DDIAS: variants seen among roughly 807,000 people sequenced by gnomAD.
DDIAS encodes the protein DNA damage-induced apoptosis suppressor protein.
Under a neutral mutation model 15.7 loss-of-function variants are expected in DDIAS, and 14 were observed. The ratio of observed to expected loss-of-function variants is 0.89; its 90% confidence interval spans 0.59 to 1.39. The LOEUF is 1.39. Ranked by LOEUF, DDIAS falls within the 40% of genes most tolerant of loss-of-function variation. The pLI is 0.00. For synonymous variants in DDIAS, 355 were observed against 395.9 expected (o/e 0.90, Z 1.23); for missense variants, 1,035 against 1,130.9 (o/e 0.92, Z 1.22).
intron 1 of DDIAS, among the ~76,000 whole-genome samples, chr11:82,908,722 A>G (rs140255293): frequency 2.1e-4 from 32 of 152,334 alleles, no homozygotes; most frequent in African/African-American, 7.7e-4. Flanking sequence ...AATTTCCCAC[A>G]TGTGCCAGTT....
chr11:82,904,499 G>C (rs1472313707), intron 1 of DDIAS, among the ~76,000 whole-genome samples: 1 of 152,206 alleles, frequency 6.6e-6, no homozygotes, highest in African/African-American at 2.4e-5. Context: ...CTAAGATGCT[G>C]TCAGGCCTTG....
intron 3 of DDIAS, among the ~76,000 whole-genome samples, chr11:82,923,159 G>A (rs1392069127): frequency 2.0e-5 from 3 of 152,190 alleles, no homozygotes; most frequent in Non-Finnish European, 4.4e-5. Flanking sequence ...TTCCTGGTTT[G>A]TTCTTGCAGT....
At chr11:82,918,022 T>C (rs1860665251) in intron 3 of DDIAS, among the ~76,000 whole-genome samples, 1 of 152,220 alleles carries the variant, frequency 6.6e-6, no homozygotes, top group Non-Finnish European at 1.5e-5. Context: ...TCGTTGTAGA[T>C]TCTGGATGTT....
chr11:82,925,408 G>A (rs1201244792), intron 3 of DDIAS, among the ~76,000 whole-genome samples: 3 of 152,024 alleles, frequency 2.0e-5, no homozygotes, highest in East Asian at 3.9e-4. Flanking sequence ...CCTAGTCAGG[G>A]CAACACAGTG....
In DDIAS at chr11:82,902,555, A is replaced by T. The variant is rs181782880; in HGVS notation, c.-117+733A>T. Among the ~76,000 whole-genome samples the T allele has an allele frequency of 3.3e-3, 500 of 152,318 alleles. 5 individuals carry two copies. The highest frequency in any genetic ancestry group is 0.011 in the African/African-American group (443 of 41,562). The stretch of plus-strand genomic sequence containing the variant: ...CCTCAGGTTTAAGCCCAAACTCTTT[A>T]ACATGACTTACAGACTCTTTCCTAT... On this transcript the variant is annotated intron_variant, in intron 1 of 5. Transcript: ENST00000533655.
chr11:82,904,054 G>A (rs1343790655), intron 1 of DDIAS, among the ~76,000 whole-genome samples: 3 of 152,198 alleles, frequency 2.0e-5, no homozygotes, highest in Non-Finnish European at 4.4e-5. Flanking sequence ...CTCATCAGAA[G>A]GCATGAGTTC....
At chr11:82,926,631 A>G (rs1274816537) in intron 3 of DDIAS, among the ~76,000 whole-genome samples, 2 of 152,216 alleles carry the variant, frequency 1.3e-5, no homozygotes, top group Admixed American at 6.5e-5. Context: ...CATCTGCATC[A>G]GTATTACCTG....
In DDIAS at chr11:82,903,803, A is replaced by G. The variant is rs191702113; in HGVS notation, c.-117+1981A>G. On this transcript the variant is annotated intron_variant, in intron 1 of 5. Transcript: ENST00000533655. ...TCTTGGCCTGTAAAATATGAAACAGAAAATTGGAGAATTACAAGGTGACAA... is the reference window on the plus strand; with the variant it reads ...TCTTGGCCTGTAAAATATGAAACAGGAAATTGGAGAATTACAAGGTGACAA... Among the ~76,000 whole-genome samples, 3 of 152,354 alleles carry G rather than the reference A, an allele frequency of 2.0e-5. No individual in the cohort carries two copies. The East Asian group carries it at 5.8e-4, about 29-fold the overall frequency.
chr11:82,906,075 T>C (rs1199572380), intron 1 of DDIAS, among the ~76,000 whole-genome samples: 1 of 151,864 alleles, frequency 6.6e-6, no homozygotes, highest in Non-Finnish European at 1.5e-5. Context: ...AAACAAAGTA[T>C]AAAAACACCC....
intron 3 of DDIAS, among the ~76,000 whole-genome samples, chr11:82,916,025 G>A (rs995139769): frequency 2.0e-5 from 3 of 152,166 alleles, no homozygotes. Flanking sequence ...CAGTATCCAA[G>A]AACCTATCAC....
chr11:82,930,527 T>C (rs1256653577), intron 5 of DDIAS, among the ~76,000 whole-genome samples: 1 of 152,092 alleles, frequency 6.6e-6, no homozygotes, highest in Non-Finnish European at 1.5e-5. Context: ...TATTTAGAAA[T>C]GTTAGATATT....
intron 2 of DDIAS, chr11:82,913,837 A>G (rs913313135): frequency 2.6e-6 from 1 of 391,272 alleles, no homozygotes; most frequent in African/African-American, 2.1e-5. Context: ...TTTGCACATA[A>G]TTAATGAGAT....
At position 82,920,952 on chromosome 11, in the gene DDIAS, C is replaced by A. The variant is rs532986313; in HGVS notation, c.113+6101C>A. On this transcript the variant is annotated intron_variant, in intron 3 of 5. Transcript: ENST00000533655. ...TTTGTTGACTTTCTGTCTTGATGAC[C>A]TGTCTAGTGCTGTCAGTGTAGTATT... is the stretch of plus-strand genomic sequence containing the variant. Among the ~76,000 whole-genome samples, 112 of 152,236 alleles carry A rather than the reference C, an allele frequency of 7.4e-4. 1 individual carries two copies. Among genetic ancestry groups the A allele is most frequent in the Admixed American group, 6.2e-3 (95 of 15,282 alleles).
chr11:82,925,059 G>T (rs768455841), intron 3 of DDIAS, among the ~76,000 whole-genome samples: 14 of 152,158 alleles, frequency 9.2e-5, no homozygotes, highest in Non-Finnish European at 1.8e-4. Context: ...AACAGATTGA[G>T]CAGAGAAGCA....
Position 82,933,024 on chromosome 11 carries a change from A to T in DDIAS, c.1686A>T (p.Ser562=). The change falls in exon 6 of 6, where the codon TCA becomes TCT. Residue 562 remains serine (S), a synonymous_variant. Coordinates refer to ENST00000533655, the MANE Select transcript of DDIAS (RefSeq NM_145018.4). Reference sequence around the variant, plus strand: ...CTCTTAAGAAGACTATCAGAATCTCACCACACAGGGAGAGTGACCATTCTA... The same window carrying T: ...CTCTTAAGAAGACTATCAGAATCTCTCCACACAGGGAGAGTGACCATTCTA... ...IVTLKKTIRI[S]PHRESDHSSL... The T allele has an allele frequency of 5.6e-6, 9 of 1,607,990 alleles. No homozygotes were observed. The highest frequency in any genetic ancestry group is 7.6e-6 in the Non-Finnish European group (9 of 1,179,162).
intron 5 of DDIAS, 48 bp from the exon 6 acceptor site, chr11:82,931,684 A>T: frequency 1.3e-6 from 2 of 1,496,694 alleles, no homozygotes; most frequent in Non-Finnish European, 1.8e-6. Flanking sequence ...GTTTAAGTAA[A>T]TGGAAGACAA....
chr11:82,931,751 G>A lies in DDIAS; in HGVS notation c.413G>A (p.Gly138Glu), dbSNP rs775606024. ...FGVTNFENQPGQGSDASNFLQ... is the reference protein window; with the variant it reads ...FGVTNFENQPEQGSDASNFLQ... ...TCACAGAATTTTGAAAACCAACCTG[G>A]ACAAGGTTCAGATGCCAGTAACTTC... is the stretch of plus-strand genomic sequence containing the variant. Residue 138 changes from glycine to glutamate, a missense_variant, in exon 6 of 6, where the codon GGA becomes GAA. Transcript: ENST00000533655. 10 of 1,591,612 alleles carry A rather than the reference G, an allele frequency of 6.3e-6. No homozygotes were observed. Among genetic ancestry groups the A allele is most frequent in the Non-Finnish European group, 6.0e-6 (7 of 1,171,870 alleles).
intron 1 of DDIAS, among the ~76,000 whole-genome samples, chr11:82,903,412 T>G (rs1237215433): frequency 6.6e-6 from 1 of 152,220 alleles, no homozygotes; most frequent in Non-Finnish European, 1.5e-5. Flanking sequence ...TACTGGTTAG[T>G]GAGTAGTACC....
rs983536021 is a variant in DDIAS, at chr11:82,933,520, A to C, written c.2182A>C (p.Ile728Leu). The change falls in exon 6 of 6, where the codon ATC (isoleucine) becomes CTC (leucine). Residue 728 changes from isoleucine (I) to leucine (L), a missense_variant. Physicochemically the swap from Ile to Leu is conservative, Grantham distance 5. Transcript: ENST00000533655. ...ACTGAGATCACTTTCTGAAGACTTC[A>C]TCCAGCCTTCACAAAAATTATCCTT... ...FSLRSLSEDF[I>L]QPSQKLSLQS... 4 of 1,613,980 alleles carry C rather than the reference A, an allele frequency of 2.5e-6. No homozygotes were observed. The highest frequency in any genetic ancestry group is 1.3e-5 in the African/African-American group (1 of 74,944).
Sources: gnomAD v4.1 joint callset for allele counts (sites outside exome capture counted in the v4.1 genomes callset) on GRCh38, gnomAD v4.1.1 for gene constraint, MANE v1.5 for transcripts, NCBI Gene and HGNC (gene_info 2026-07-23, HGNC 2026-07-21) for gene names.